The following GAS7 variants were observed in gnomAD, a reference collection of about 807,000 sequenced individuals.
The protein encoded by GAS7 is growth arrest specific 7.
In GAS7, 28 loss-of-function variants were observed where a neutral mutation model predicts 71.1. The ratio of observed to expected loss-of-function variants is 0.39; its 90% CI spans 0.29 to 0.54. The LOEUF is 0.54. Ranked by LOEUF, GAS7 falls within the 20% of genes least tolerant of loss-of-function variation. The probability of loss-of-function intolerance (pLI) is 0.62; values close to 1 mark genes in which losing one functional copy is unlikely to be tolerated. For synonymous variants in GAS7, 258 were observed against 245.8 expected (o/e 1.05, Z -0.46); for missense variants, 436 against 627.8 (o/e 0.69, Z 3.27).
chr17:9,965,374 G>A (rs975310639), intron 4 of GAS7, among the ~76,000 whole-genome samples: 2 of 152,190 alleles, frequency 1.3e-5, no homozygotes, highest in African/African-American at 4.8e-5. Context: ...TAGGGACATG[G>A]ATGAAGCTGG....
chr17:10,068,903 T>C (rs528216305), intron 1 of GAS7, among the ~76,000 whole-genome samples: 1 of 152,294 alleles, frequency 6.6e-6, no homozygotes, highest in South Asian at 2.1e-4. Flanking sequence ...AGGATGTGCC[T>C]AATTCCTCCA....
rs570771313 is a variant in GAS7 at position 9,915,532 on chromosome 17, G to C, written c.*1696C>G. The C allele has an allele frequency of 2.5e-4, 56 of 227,312 alleles. No homozygotes were observed. The highest frequency in any genetic ancestry group is 9.7e-4 in the African/African-American group (44 of 45,132). 14.1% of individuals were successfully genotyped at this position (227,312 alleles called of 1,614,324 possible). A position where few individuals can be genotyped will look rare whatever the true frequency, so the allele number is the denominator to read the frequency against. ...TGGTTGCAATGTTTCAAGAACAAGA[G>C]AAAAGTGACAACGTTTGGTTTACTT... On this transcript the variant is annotated 3_prime_UTR_variant, in exon 14 of 14. Coordinates refer to ENST00000432992, the MANE Select transcript of GAS7 (RefSeq NM_201433.2).
chr17:10,164,555 A>G (rs2074278886), intron 1 of GAS7, among the ~76,000 whole-genome samples: 1 of 151,918 alleles, frequency 6.6e-6, no homozygotes, highest in South Asian at 2.1e-4. Context: ...CCAAGCTACT[A>G]GGGAGGCTGA....
intron 1 of GAS7, among the ~76,000 whole-genome samples, chr17:10,089,890 G>A (rs894728108): frequency 1.3e-5 from 2 of 152,170 alleles, no homozygotes; most frequent in Non-Finnish European, 2.9e-5. Flanking sequence ...ACTGGAGGCC[G>A]GGTGCAGTGG....
intron 1 of GAS7, among the ~76,000 whole-genome samples, chr17:10,186,538 G>A (rs1356828699): frequency 6.6e-6 from 1 of 151,152 alleles, no homozygotes; most frequent in East Asian, 2.0e-4. Flanking sequence ...TGAGTAGCTG[G>A]GATTATAGGC....
intron 2 of GAS7, among the ~76,000 whole-genome samples, chr17:10,003,559 T>C (rs1330353583): frequency 6.6e-6 from 1 of 152,020 alleles, no homozygotes; most frequent in Non-Finnish European, 1.5e-5. Flanking sequence ...ACTCAATAAA[T>C]GGCTTGGCTT....
chr17:9,958,948 C>T lies in GAS7; in HGVS notation c.525+254G>A, dbSNP rs2069362206. On this transcript the variant is annotated intron_variant, in intron 5 of 13. Transcript: ENST00000432992. Reference sequence around the variant, plus strand: ...ACCTTCCCCTCCTGCCCTGAAAAAACGGCTTCTGCATCATCCCAGCCATCC... The same window carrying T: ...ACCTTCCCCTCCTGCCCTGAAAAAATGGCTTCTGCATCATCCCAGCCATCC... The T allele has an allele frequency of 6.5e-6, 9 of 1,384,676 alleles. No individual in the cohort carries two copies. The Admixed American group carries it at 9.5e-5, about 15-fold the overall frequency. 85.8% of individuals were successfully genotyped at this position (1,384,676 alleles called of 1,614,324 possible).
At chr17:9,938,383 C>T (rs1950826974) in intron 8 of GAS7, among the ~76,000 whole-genome samples, 1 of 148,770 alleles carries the variant, frequency 6.7e-6, no homozygotes, top group Non-Finnish European at 1.5e-5. Flanking sequence ...TGGCACATGC[C>T]TGTAGTCCCA....
At chr17:10,098,043 C>CAAAAAAAAAAAAA (rs34381280) in intron 1 of GAS7, among the ~76,000 whole-genome samples, 3 of 136,844 alleles carry the variant, frequency 2.2e-5, no homozygotes, top group African/African-American at 8.0e-5. Flanking sequence ...GACTCCATCT[C>CAAAAAAAAAAAAA]AAAAAAAAAA....
chr17:10,181,042 G>A (rs113450238), intron 1 of GAS7, among the ~76,000 whole-genome samples: 26 of 145,432 alleles, frequency 1.8e-4, no homozygotes, highest in African/African-American at 6.7e-4. Flanking sequence ...TAAGGATGAG[G>A]GTGGCGGGGG....
rs191306194 is a variant in GAS7, at chr17:10,167,370, C to T, written c.183+30838G>A. Reference sequence around the variant, plus strand: ...CCAGCCTCCGCTTGTCTATTTCTAACTTGTTTAAAGTTATATCTGTAAACT... The same window carrying T: ...CCAGCCTCCGCTTGTCTATTTCTAATTTGTTTAAAGTTATATCTGTAAACT... On this transcript the variant is annotated intron_variant, in intron 1 of 13. Transcript: ENST00000432992. Among the ~76,000 whole-genome samples the T allele has an allele frequency of 1.1e-3, 163 of 152,182 alleles. 1 individual carries two copies. The highest frequency in any genetic ancestry group is 3.6e-3 in the African/African-American group (150 of 41,508).
chr17:10,198,435 G>C lies in GAS7; in HGVS notation c.-45C>G. ...ACAGCGCAGCCTGCATTCCCGCCGA[G>C]CCCCACGGGCTGGGCAGCGGCTCCG... On this transcript the variant is annotated 5_prime_UTR_variant, in exon 1 of 14. Transcript: ENST00000432992. The C allele has an allele frequency of 7.1e-7, 1 of 1,409,460 alleles. No individual in the cohort carries two copies. The highest frequency in any genetic ancestry group is 9.3e-7 in the Non-Finnish European group (1 of 1,075,802). The allele number at this position is 1,409,460 out of a possible 1,614,324, so 87.3% of individuals were successfully genotyped here.
At chr17:10,086,546 A>G (rs1029424214) in intron 1 of GAS7, among the ~76,000 whole-genome samples, 2 of 152,238 alleles carry the variant, frequency 1.3e-5, no homozygotes, top group Non-Finnish European at 2.9e-5. Context: ...AGTTTGAGTG[A>G]AAGCCAAAGG....
In GAS7 at chr17:9,960,788, C is replaced by T. The variant is rs540171139; in HGVS notation, c.472-1533G>A. 2.4e-4 allele frequency among the ~76,000 whole-genome samples: 37 copies of T among 152,354 alleles called. No individual in the cohort carries two copies. The South Asian group carries it at 7.7e-3, about 32-fold the overall frequency. ...TCTTACTTGGGTTGCTAATTAAAGT[C>T]AACTCAGGAAAACTGATATCCTTAA... is the stretch of plus-strand genomic sequence containing the variant. On this transcript the variant is annotated intron_variant, in intron 4 of 13. Coordinates refer to ENST00000432992, the MANE Select transcript of GAS7 (RefSeq NM_201433.2).
intron 2 of GAS7, among the ~76,000 whole-genome samples, chr17:9,983,374 C>T (rs1056439757): frequency 6.6e-6 from 1 of 152,076 alleles, no homozygotes; most frequent in African/African-American, 2.4e-5. Flanking sequence ...GCCTGTGGTC[C>T]CAGCTACTCA....
intron 1 of GAS7, among the ~76,000 whole-genome samples, chr17:10,145,505 C>T (rs995727007): frequency 5.3e-5 from 8 of 152,232 alleles, no homozygotes; most frequent in African/African-American, 1.9e-4. Context: ...GCCCTAGAAC[C>T]AGGCCCTGGT....
At chr17:10,023,388 T>C (rs1234470792) in intron 1 of GAS7, among the ~76,000 whole-genome samples, 1 of 152,090 alleles carries the variant, frequency 6.6e-6, no homozygotes, top group Non-Finnish European at 1.5e-5. Flanking sequence ...AATTGGTACA[T>C]GGATGCTCAC....
intron 5 of GAS7, among the ~76,000 whole-genome samples, chr17:9,951,573 A>G (rs2069009473): frequency 6.6e-6 from 1 of 152,120 alleles, no homozygotes; most frequent in Non-Finnish European, 1.5e-5. Context: ...CCTGACCCAC[A>G]TGGAGAAACC....
At chr17:10,091,372 G>C (rs2073579773) in intron 1 of GAS7, among the ~76,000 whole-genome samples, 1 of 152,026 alleles carries the variant, frequency 6.6e-6, no homozygotes, top group Non-Finnish European at 1.5e-5. Flanking sequence ...GTTTACTTTA[G>C]AGTGGTGACT....
Sources: allele counts gnomAD v4.1 joint callset (sites outside exome capture counted in the v4.1 genomes callset), GRCh38; gene constraint gnomAD v4.1.1; transcripts MANE v1.5; gene names NCBI Gene and HGNC (gene_info 2026-07-23, HGNC 2026-07-21).